Variants in TLR6 observed in about 807,000 individuals in gnomAD.
TLR6 encodes the protein toll like receptor 6.
TLR6 carries 9 observed loss-of-function variants against 16.1 expected under a neutral mutation model. That is an observed-to-expected ratio of 0.56 (90% CI 0.34 to 0.98). TLR6 has a LOEUF of 0.98. Ranked by LOEUF, TLR6 falls within the 50% of genes least tolerant of loss-of-function variation. TLR6 has a pLI of 0.02. For synonymous variants in TLR6, 340 were observed against 338.6 expected (o/e 1.00, Z -0.04); for missense variants, 786 against 921.0 (o/e 0.85, Z 1.90).
At chr4:38,827,113 T>A (rs769857508) in exon 2 of TLR6, 2 of 1,595,308 alleles carry the variant, frequency 1.3e-6, no homozygotes, top group Non-Finnish European at 1.7e-6. Context: ...TTTCAGTGAC[T>A]AGTGTTAATT....
the TLR6 span, among the ~76,000 whole-genome samples, chr4:38,864,482 G>C: frequency 6.6e-6 from 1 of 152,164 alleles, no homozygotes; most frequent in African/African-American, 2.4e-5. Flanking sequence ...ATGTAATTGA[G>C]TGAAATATGA....
At position 38,834,350 on chromosome 4, in the gene TLR6, GA is replaced by G. The variant is rs199516709; in HGVS notation, c.-64-4814del. 9.6e-3 allele frequency among the ~76,000 whole-genome samples: 1,159 copies of G among 120,914 alleles called. 13 individuals are homozygous for G. Among genetic ancestry groups the G allele is most frequent in the African/African-American group, 0.028 (912 of 33,144 alleles). 79.3% of individuals were successfully genotyped at this position (120,914 alleles called of 152,430 possible). A position where few individuals can be genotyped will look rare whatever the true frequency, so the allele number is the denominator to read the frequency against. On this transcript the variant is annotated intron_variant, in intron 1 of 1. Transcript: ENST00000436693. Reference sequence around the variant, plus strand: ...GTCTTTTGAAATAACCCAGTGAGGCGAAAAAAAAAAAAAAGGAATAAAAAAG... The same window carrying G: ...GTCTTTTGAAATAACCCAGTGAGGCGAAAAAAAAAAAAAGGAATAAAAAAG...
chr4:38,858,546 C>A (rs535621589), upstream of TLR6, among the ~76,000 whole-genome samples: 3 of 151,948 alleles, frequency 2.0e-5, no homozygotes, highest in South Asian at 6.2e-4. Flanking sequence ...ATGGCGAAAC[C>A]CTGTCTCTAC....
At chr4:38,849,341 C>G (rs1192328940) in intron 1 of TLR6, among the ~76,000 whole-genome samples, 3 of 152,158 alleles carry the variant, frequency 2.0e-5, no homozygotes, top group African/African-American at 7.2e-5. Flanking sequence ...AATGTAAAGA[C>G]CATTGATGCT....
chr4:38,842,054 G>C (rs540836859), intron 1 of TLR6, among the ~76,000 whole-genome samples: 85 of 152,170 alleles, frequency 5.6e-4, no homozygotes, highest in Non-Finnish European at 7.9e-4. Context: ...CAACATTCAG[G>C]ATTATGGCAC....
chr4:38,855,172 G>A (rs971298047), intron 1 of TLR6, among the ~76,000 whole-genome samples: 3 of 148,230 alleles, frequency 2.0e-5, no homozygotes, highest in East Asian at 2.0e-4. Context: ...AGATCGTGCC[G>A]CTGCACTCCA....
Position 38,827,676 on chromosome 4 carries a change from CA to C in TLR6, c.1797del (p.Val600Ter), listed in dbSNP as rs1347359919. On this transcript the variant is annotated frameshift_variant, in exon 2 of 2. Coordinates refer to ENST00000436693, the Ensembl canonical transcript of TLR6. LOFTEE classifies it high-confidence loss of function. Reference sequence around the variant, plus strand: ...TAGATGCAGAGGGAGGTCACAGTCACAGCCAACACCAGCATGGTGGCACCGA... The same window carrying C: ...TAGATGCAGAGGGAGGTCACAGTCACGCCAACACCAGCATGGTGGCACCGA... The C allele has an allele frequency of 1.7e-5, 27 of 1,614,060 alleles. No homozygotes were observed. The highest frequency in any genetic ancestry group is 2.1e-5 in the Non-Finnish European group (25 of 1,180,010).
At chr4:38,850,280 A>G (rs898757202) in intron 1 of TLR6, among the ~76,000 whole-genome samples, 1 of 152,236 alleles carries the variant, frequency 6.6e-6, no homozygotes, top group South Asian at 2.1e-4. Flanking sequence ...GAAAGCAGGA[A>G]AGATCTAAAA....
intron 1 of TLR6, among the ~76,000 whole-genome samples, chr4:38,850,917 G>C (rs1240610550): frequency 6.6e-6 from 1 of 152,096 alleles, no homozygotes; most frequent in East Asian, 1.9e-4. Flanking sequence ...GCCTGGCAGA[G>C]ACACAACAAA....
intron 1 of TLR6, among the ~76,000 whole-genome samples, chr4:38,854,207 C>T (rs898791335): frequency 4.6e-5 from 7 of 152,092 alleles, no homozygotes; most frequent in Admixed American, 4.6e-4. Context: ...ATCAAAAAAG[C>T]ACATAACATC....
At chr4:38,846,749 G>GGGAGAAT (rs1322907352) in intron 1 of TLR6, among the ~76,000 whole-genome samples, 2 of 152,110 alleles carry the variant, frequency 1.3e-5, no homozygotes, top group Non-Finnish European at 2.9e-5. Flanking sequence ...GAAGGGAGAA[G>GGGAGAAT]GGAGTTGGCT....
intron 1 of TLR6, among the ~76,000 whole-genome samples, chr4:38,835,207 A>G (rs1560265914): frequency 6.6e-6 from 1 of 152,170 alleles, no homozygotes; most frequent in Non-Finnish European, 1.5e-5. Context: ...TTACCCAACT[A>G]TATGCTGCCT....
chr4:38,845,342 C>CT (rs1712475200), intron 1 of TLR6, among the ~76,000 whole-genome samples: 2 of 152,128 alleles, frequency 1.3e-5, no homozygotes, highest in South Asian at 4.1e-4. Context: ...TCTAATCCCC[C>CT]AACTTGGTGA....
upstream of TLR6, among the ~76,000 whole-genome samples, chr4:38,857,902 A>G (rs1291143200): frequency 6.6e-6 from 1 of 152,204 alleles, no homozygotes; most frequent in East Asian, 1.9e-4. Flanking sequence ...ACCCTGGAAA[A>G]CCAGATTTGT....
the TLR6 span, among the ~76,000 whole-genome samples, chr4:38,864,725 AG>A: frequency 6.6e-6 from 1 of 152,196 alleles, no homozygotes; most frequent in Admixed American, 6.5e-5. Flanking sequence ...AATATGAGTG[AG>A]GGGGGCTGTG....
chr4:38,842,852 CTTT>C (rs200422208), intron 1 of TLR6, among the ~76,000 whole-genome samples: 1 of 148,528 alleles, frequency 6.7e-6, no homozygotes, highest in African/African-American at 2.5e-5. Context: ...ATATACTGTG[CTTT>C]TTTTTTTTAA....
At chr4:38,848,094 G>A (rs1268216537) in intron 1 of TLR6, among the ~76,000 whole-genome samples, 1 of 151,606 alleles carries the variant, frequency 6.6e-6, no homozygotes, top group African/African-American at 2.4e-5. Context: ...GCTTCCAGAG[G>A]AACGATCAGG....
intron 1 of TLR6, among the ~76,000 whole-genome samples, chr4:38,839,768 A>G (rs1032627966): frequency 5.9e-5 from 9 of 152,262 alleles, no homozygotes; most frequent in African/African-American, 2.2e-4. Flanking sequence ...AATTGCATCC[A>G]GGATGAAAGG....
chr4:38,824,791 G>T (rs558691131), exon 2 of TLR6: 1 of 152,122 alleles, frequency 6.6e-6, no homozygotes, highest in African/African-American at 2.4e-5. Flanking sequence ...TATGAAACCA[G>T]ATTTTTTTTC....
Sources: allele counts gnomAD v4.1 joint callset (sites outside exome capture counted in the v4.1 genomes callset), GRCh38; gene constraint gnomAD v4.1.1; transcripts MANE v1.5; gene names NCBI Gene and HGNC (gene_info 2026-07-23, HGNC 2026-07-21).